Variants in PHIP observed in about 807,000 individuals in gnomAD.
The protein encoded by PHIP is PHIP subunit of CUL4-Ring ligase complex, also known as PH-interacting protein.
A neutral mutation model predicts 236.8 loss-of-function variants in PHIP; 54 were observed. The ratio of observed to expected loss-of-function variants is 0.23; its 90% CI spans 0.18 to 0.29. The LOEUF (loss-of-function observed/expected upper bound fraction) is 0.29, where lower values mean the gene tolerates loss of function less well. Ranked by LOEUF, PHIP falls within the 10% of genes least tolerant of loss-of-function variation. The pLI is 1.00. For missense variants in PHIP, 1,370 were observed against 2,190.8 expected (o/e 0.63, Z 7.48); for synonymous variants, 756 against 718.9 (o/e 1.05, Z -0.83).
Position 78,969,838 on chromosome 6 carries a change from T to C in PHIP, c.3202A>G (p.Ile1068Val), listed in dbSNP as rs1351801024. 1.3e-6 allele frequency: 2 copies of C among 1,512,028 alleles called. No individual in the cohort carries two copies. The highest frequency in any genetic ancestry group is 1.8e-6 in the Non-Finnish European group (2 of 1,096,454). The allele number at this position is 1,512,028 out of a possible 1,614,324, so 93.7% of individuals were successfully genotyped here. The change falls in exon 27 of 40, where the codon ATA (isoleucine) becomes GTA (valine). Residue 1068 changes from isoleucine (I) to valine (V), a missense_variant. Around this residue, in one of 14 missense-constraint regions of PHIP, gnomAD observed 238 missense variants for 398.5 expected, o/e 0.60. Coordinates refer to ENST00000275034, the MANE Select transcript of PHIP (RefSeq NM_017934.7). Reference protein sequence around the residue: ...FDDAKYRRWNIGDRFRSVIDD... With the variant: ...FDDAKYRRWNVGDRFRSVIDD... ...AGCTTCTAAATAAATTACCCACCTATATTCCATCGCCTGTATTTTGCATCA... is the reference window on the plus strand; with the variant it reads ...AGCTTCTAAATAAATTACCCACCTACATTCCATCGCCTGTATTTTGCATCA...
chr6:79,011,117 T>G (rs1770551685), intron 15 of PHIP, among the ~76,000 whole-genome samples: 1 of 151,812 alleles, frequency 6.6e-6, no homozygotes. Context: ...ACAAAGCTAT[T>G]CTGATGTTTA....
At chr6:79,053,818 T>C (rs1193922431) in intron 6 of PHIP, among the ~76,000 whole-genome samples, 1 of 152,204 alleles carries the variant, frequency 6.6e-6, no homozygotes, top group Non-Finnish European at 1.5e-5. Flanking sequence ...TGGCTAGTGA[T>C]TCCTAATTAC....
At position 78,944,389 on chromosome 6, in the gene PHIP, G is replaced by A. The variant is rs111911515; in HGVS notation, c.4828+911C>T. Among the ~76,000 whole-genome samples, 764 of 152,302 alleles carry A rather than the reference G, an allele frequency of 5.0e-3. 5 individuals are homozygous for A. Among genetic ancestry groups the A allele is most frequent in the Non-Finnish European group, 7.4e-3 (503 of 68,026 alleles). On this transcript the variant is annotated intron_variant, in intron 39 of 39. Coordinates refer to ENST00000275034, the MANE Select transcript of PHIP (RefSeq NM_017934.7). Reference sequence around the variant, plus strand: ...AGATCGCTTTGGCTGCAATATGAGAGAGGGACTGGTTAAGAAAGAGTTGAG... The same window carrying A: ...AGATCGCTTTGGCTGCAATATGAGAAAGGGACTGGTTAAGAAAGAGTTGAG...
chr6:79,036,296 A>G (rs1771929039), intron 7 of PHIP, among the ~76,000 whole-genome samples: 1 of 152,120 alleles, frequency 6.6e-6, no homozygotes, highest in Non-Finnish European at 1.5e-5. Context: ...ACCTCCTTAA[A>G]TATCATTACA....
intron 19 of PHIP, among the ~76,000 whole-genome samples, chr6:78,994,995 C>G (rs1339464238): frequency 6.6e-6 from 1 of 152,196 alleles, no homozygotes; most frequent in African/African-American, 2.4e-5. Flanking sequence ...ATCATGTGAG[C>G]TGCTTTACTG....
intron 15 of PHIP, among the ~76,000 whole-genome samples, chr6:79,013,453 A>T (rs994312780): frequency 1.3e-5 from 2 of 151,666 alleles, no homozygotes; most frequent in African/African-American, 4.8e-5. Flanking sequence ...AACCAGAAAA[A>T]TATCCTCATC....
In PHIP at chr6:78,985,430, TA is replaced by T; in HGVS notation, c.2461-3del. The T allele has an allele frequency of 2.0e-6, 3 of 1,518,488 alleles. No individual in the cohort carries two copies. Among genetic ancestry groups the T allele is most frequent in the Non-Finnish European group, 2.7e-6 (3 of 1,092,740 alleles). The allele number at this position is 1,518,488 out of a possible 1,614,324, so 94.1% of individuals were successfully genotyped here. On this transcript the variant is annotated splice_region_variant and splice_polypyrimidine_tract_variant and intron_variant, in intron 21 of 39. Transcript: ENST00000275034. ...ACTGACAGCAACTACTTCGCCTTCC[TA>T]AGATATGTTGAATACATGTCTTATT...
chr6:79,007,940 T>C (rs142216659), intron 15 of PHIP, among the ~76,000 whole-genome samples: 1 of 152,104 alleles, frequency 6.6e-6, no homozygotes, highest in African/African-American at 2.4e-5. Context: ...CAGATGTATA[T>C]TTGAAATAAG....
At chr6:79,076,427 C>G (rs1774163661) in intron 4 of PHIP, among the ~76,000 whole-genome samples, 1 of 152,070 alleles carries the variant, frequency 6.6e-6, no homozygotes, top group African/African-American at 2.4e-5. Flanking sequence ...GCTTTAACTG[C>G]CCCACACACA....
At chr6:79,076,772 T>G (rs1372509676) in intron 4 of PHIP, among the ~76,000 whole-genome samples, 1 of 152,140 alleles carries the variant, frequency 6.6e-6, no homozygotes, top group Non-Finnish European at 1.5e-5. Flanking sequence ...CTACTAAACT[T>G]CTGGTTTTAG....
rs535978954 is a variant in PHIP, at chr6:78,935,440, C to CCCTTT, written c.*5252_*5253insAAAGG. The CCCTTT allele has an allele frequency of 2.3e-4, 205 of 910,870 alleles. 1 individual carries two copies. The South Asian group carries it at 6.2e-3, about 28-fold the overall frequency. 56.4% of individuals were successfully genotyped at this position (910,870 alleles called of 1,614,324 possible). On this transcript the variant is annotated 3_prime_UTR_variant, in exon 40 of 40. Coordinates refer to ENST00000275034, the MANE Select transcript of PHIP (RefSeq NM_017934.7). Reference sequence around the variant, plus strand: ...TAGGAAAACTGCAATAACCTTCTTTCCATCATTCCTTTTTTCCCAGAAATT... The same window carrying CCCTTT: ...TAGGAAAACTGCAATAACCTTCTTTCCCTTTCATCATTCCTTTTTTCCCAGAAATT...
Position 78,983,033 on chromosome 6 carries a change from G to C in PHIP, c.2622C>G (p.Thr874=), listed in dbSNP as rs377472082. The change falls in exon 23 of 40, where the codon ACC becomes ACG. Residue 874 remains threonine, a synonymous_variant. Transcript: ENST00000275034. The stretch of plus-strand genomic sequence containing the variant: ...CATCTGAACTGCTTTCTGCTTTCTT[G>C]GTTTTATTCTTAGGAACTTTCTTTG... ...QPPKKVPKNK[T]KKAESSSDEE... 2 of 1,611,088 alleles carry C rather than the reference G, an allele frequency of 1.2e-6. No individual in the cohort carries two copies. Among genetic ancestry groups the C allele is most frequent in the South Asian group, 1.1e-5 (1 of 90,760 alleles).
At chr6:79,077,243 G>C (rs1774215960) in intron 4 of PHIP, among the ~76,000 whole-genome samples, 1 of 151,854 alleles carries the variant, frequency 6.6e-6, no homozygotes, top group Admixed American at 6.6e-5. Context: ...CAAATAAATT[G>C]TCCGCAGCCC....
Position 78,940,548 on chromosome 6 carries a change from GTTTTTTTTT to G in PHIP, c.*136_*144del, listed in dbSNP as rs36155238. The G allele has an allele frequency of 9.7e-5, 8 of 82,712 alleles. No individual in the cohort carries two copies. The highest frequency in any genetic ancestry group is 1.7e-4 in the Non-Finnish European group (8 of 47,998). 5.1% of individuals were successfully genotyped at this position (82,712 alleles called of 1,614,324 possible). A position where few individuals can be genotyped will look rare whatever the true frequency, so the allele number is the denominator to read the frequency against. On this transcript the variant is annotated 3_prime_UTR_variant, in exon 40 of 40. Transcript: ENST00000275034. ...AAGAAGTGAAGTGTCTCGTAAGTTT[GTTTTTTTTT>G]TTTTTTTTTTTTTTGCAAATCAAAT...
intron 16 of PHIP, 79 bp from the exon 17 acceptor site, chr6:79,002,203 T>A: frequency 1.1e-6 from 1 of 934,338 alleles, no homozygotes; most frequent in Non-Finnish European, 1.6e-6. Flanking sequence ...TCATTTCTAA[T>A]AGAAAGCAAA....
intron 24 of PHIP, among the ~76,000 whole-genome samples, chr6:78,973,825 A>C (rs2089661694): frequency 6.6e-6 from 1 of 151,900 alleles, no homozygotes; most frequent in South Asian, 2.1e-4. Context: ...AGAAGAGCTA[A>C]CTATCCTAAA....
At chr6:79,012,617 C>T (rs940088493) in intron 15 of PHIP, among the ~76,000 whole-genome samples, 4 of 151,652 alleles carry the variant, frequency 2.6e-5, no homozygotes, top group South Asian at 2.1e-4. Context: ...AATCAAGTAT[C>T]GTGGTATTTT....
At chr6:79,013,179 T>C (rs1448399598) in intron 15 of PHIP, among the ~76,000 whole-genome samples, 3 of 151,776 alleles carry the variant, frequency 2.0e-5, no homozygotes, top group Non-Finnish European at 4.4e-5. Context: ...AAATCTATCT[T>C]GATCATCTTA....
In PHIP at chr6:79,002,139, G is replaced by A; in HGVS notation, c.1654-15C>T. 1 of 1,547,584 alleles carries A rather than the reference G, an allele frequency of 6.5e-7. No homozygotes were observed. The highest frequency in any genetic ancestry group is 1.1e-5 in the South Asian group (1 of 87,348). On this transcript the variant is annotated splice_polypyrimidine_tract_variant and intron_variant, in intron 16 of 39. Transcript: ENST00000275034. ...TGATCTGCTATCTGCAAAAAGAAAA[G>A]TCCATAAAAGACTGGAAAAATAAAA...
Sources: allele counts gnomAD v4.1 joint callset (sites outside exome capture counted in the v4.1 genomes callset), GRCh38; gene constraint gnomAD v4.1.1; regional missense constraint gnomAD v4.1.1; transcripts MANE v1.5; gene names NCBI Gene and HGNC (gene_info 2026-07-23, HGNC 2026-07-21).